KCTD16: variants seen among roughly 807,000 people sequenced by gnomAD.
KCTD16 encodes the protein potassium channel tetramerization domain containing 16.
Under a neutral mutation model 33.2 loss-of-function variants are expected in KCTD16, and 13 were observed. The observed-to-expected ratio is 0.39, with a 90% CI of 0.25 to 0.62. The LOEUF is 0.62. Among genes scored for constraint, KCTD16 ranks in the 20% least tolerant of loss-of-function variants. The pLI, the probability that KCTD16 is intolerant of heterozygous loss-of-function variation, is 0.50. For missense variants in KCTD16, 441 were observed against 525.1 expected (o/e 0.84, Z 1.57); for synonymous variants, 197 against 195.3 (o/e 1.01, Z -0.07).
intron 3 of KCTD16, among the ~76,000 whole-genome samples, chr5:144,325,771 C>G (rs955368018): frequency 6.6e-6 from 1 of 152,104 alleles, no homozygotes; most frequent in African/African-American, 2.4e-5. Context: ...AAGCTGTGTC[C>G]TAACTGCCTC....
chr5:144,361,582 A>G (rs1476747949), intron 3 of KCTD16, among the ~76,000 whole-genome samples: 1 of 152,210 alleles, frequency 6.6e-6, no homozygotes, highest in Non-Finnish European at 1.5e-5. Flanking sequence ...AAAATATACA[A>G]ATATACAGAA....
intron 3 of KCTD16, among the ~76,000 whole-genome samples, chr5:144,458,963 C>T (rs1754133191): frequency 6.6e-6 from 1 of 152,150 alleles, no homozygotes; most frequent in Non-Finnish European, 1.5e-5. Context: ...TGTTTACAAA[C>T]AATGTAATGA....
At chr5:144,244,700 T>A (rs1754502429) in intron 3 of KCTD16, among the ~76,000 whole-genome samples, 1 of 152,190 alleles carries the variant, frequency 6.6e-6, no homozygotes, top group Non-Finnish European at 1.5e-5. Flanking sequence ...CAATGTACCT[T>A]CAAAGTAGAC....
At chr5:144,221,380 C>T (rs899047486) in intron 3 of KCTD16, among the ~76,000 whole-genome samples, 4 of 152,088 alleles carry the variant, frequency 2.6e-5, no homozygotes, top group Admixed American at 6.5e-5. Flanking sequence ...ATCCCATCAC[C>T]TACATTAGGT....
intron 2 of KCTD16, among the ~76,000 whole-genome samples, 168 bp from the exon 3 acceptor site, chr5:144,206,221 T>C (rs1297656394): frequency 1.3e-5 from 2 of 152,228 alleles, no homozygotes; most frequent in African/African-American, 4.8e-5. Context: ...AGAGAAGCTA[T>C]GATTTAATTG....
rs369915608 is a variant in KCTD16 at position 144,206,675 on chromosome 5, C to T, written c.-40C>T. 1 of 1,531,728 alleles carries T rather than the reference C, an allele frequency of 6.5e-7. No homozygotes were observed. The highest frequency in any genetic ancestry group is 2.3e-5 in the East Asian group (1 of 44,402). 94.9% of individuals were successfully genotyped at this position (1,531,728 alleles called of 1,614,324 possible). ...ATAAGGCTGTGACTCCATTGGATTG[C>T]ACCTTTAAATCAAAATAGCAGCAGC... On this transcript the variant is annotated 5_prime_UTR_variant, in exon 3 of 4. Transcript: ENST00000512467.
At chr5:144,237,276 A>G (rs1302853896) in intron 3 of KCTD16, among the ~76,000 whole-genome samples, 1 of 152,104 alleles carries the variant, frequency 6.6e-6, no homozygotes, top group African/African-American at 2.4e-5. Context: ...TCATCCCATT[A>G]AAGAACAGTC....
intron 3 of KCTD16, among the ~76,000 whole-genome samples, chr5:144,251,719 G>A (rs17101749): frequency 0.037 from 5,557 of 152,184 alleles, 276 homozygotes; most frequent in Admixed American, 0.15. Context: ...AAAGTGGAAG[G>A]TTCAGATGCA....
rs540286732 is a variant in KCTD16, at chr5:144,180,842, T to A, written c.-327+6370T>A. 3.2e-3 allele frequency among the ~76,000 whole-genome samples: 481 copies of A among 152,344 alleles called. 2 individuals carry two copies. The highest frequency in any genetic ancestry group is 0.011 in the African/African-American group (466 of 41,582). ...TTCTACATCATCCTTGGAAGTCATG[T>A]GATATTCTGAGGCATTCTATTGGCT... is the stretch of plus-strand genomic sequence containing the variant. On this transcript the variant is annotated intron_variant, in intron 2 of 3. Coordinates refer to ENST00000512467, the MANE Select transcript of KCTD16 (RefSeq NM_020768.4).
In KCTD16 at chr5:144,375,355, G is replaced by A. The variant is rs919982800; in HGVS notation, c.833-98305G>A. ...ATAATAGAATTTCAGTTGAACAACT[G>A]GAGCCTATAATCATACATATCTCTG... On this transcript the variant is annotated intron_variant, in intron 3 of 3. Coordinates refer to ENST00000512467, the MANE Select transcript of KCTD16 (RefSeq NM_020768.4). Among the ~76,000 whole-genome samples the A allele has an allele frequency of 4.6e-5, 7 of 152,122 alleles. No individual in the cohort carries two copies. In the South Asian group the frequency reaches 1.5e-3, roughly 32 times the overall value.
intron 2 of KCTD16, among the ~76,000 whole-genome samples, chr5:144,185,339 CA>C (rs1752703206): frequency 6.6e-6 from 1 of 152,312 alleles, no homozygotes; most frequent in South Asian, 2.1e-4. Flanking sequence ...AAATTAAATG[CA>C]AATTGATAGC....
intron 3 of KCTD16, among the ~76,000 whole-genome samples, chr5:144,461,766 C>T (rs1396845309): frequency 6.6e-6 from 1 of 152,230 alleles, no homozygotes; most frequent in Non-Finnish European, 1.5e-5. Flanking sequence ...CACCCGTGAA[C>T]TACTCTTAAC....
At chr5:144,308,726 A>T (rs994302205) in intron 3 of KCTD16, among the ~76,000 whole-genome samples, 2 of 145,856 alleles carry the variant, frequency 1.4e-5, no homozygotes, top group African/African-American at 2.5e-5. Context: ...AGACTCAAAG[A>T]TAGATAAACC....
At chr5:144,336,828 A>G (rs1273446908) in intron 3 of KCTD16, among the ~76,000 whole-genome samples, 1 of 151,984 alleles carries the variant, frequency 6.6e-6, no homozygotes, top group Non-Finnish European at 1.5e-5. Context: ...ACCCACACAC[A>G]AACCCACACA....
At chr5:144,385,878 T>G (rs2126934621) in intron 3 of KCTD16, among the ~76,000 whole-genome samples, 1 of 152,260 alleles carries the variant, frequency 6.6e-6, no homozygotes, top group East Asian at 1.9e-4. Flanking sequence ...CAGGACCTAA[T>G]ATTAACGTCT....
chr5:144,243,706 C>G (rs1263809449), intron 3 of KCTD16, among the ~76,000 whole-genome samples: 1 of 152,040 alleles, frequency 6.6e-6, no homozygotes, highest in Admixed American at 6.6e-5. Context: ...GTCCAGATGA[C>G]TTGAAGAACT....
chr5:144,187,012 A>T (rs1296333589), intron 2 of KCTD16, among the ~76,000 whole-genome samples: 1 of 152,156 alleles, frequency 6.6e-6, no homozygotes, highest in African/African-American at 2.4e-5. Context: ...GAGAAACATG[A>T]TTCAAATAAT....
chr5:144,219,399 A>T (rs1753664810), intron 3 of KCTD16, among the ~76,000 whole-genome samples: 1 of 149,932 alleles, frequency 6.7e-6, no homozygotes, highest in Non-Finnish European at 1.5e-5. Flanking sequence ...TTTTTAGTAG[A>T]GACAGGGTTT....
chr5:144,210,098 G>C (rs6885803), intron 3 of KCTD16, among the ~76,000 whole-genome samples: 24,391 of 151,640 alleles, frequency 0.16, 2,614 homozygotes, highest in African/African-American at 0.3. Context: ...TTGTTTCCCT[G>C]TTTGCCTATT....
Sources: gnomAD v4.1 joint callset for allele counts (sites outside exome capture counted in the v4.1 genomes callset) on GRCh38, gnomAD v4.1.1 for gene constraint, MANE v1.5 for transcripts, NCBI Gene and HGNC (gene_info 2026-07-23, HGNC 2026-07-21) for gene names.